The following AFF3 variants were observed in gnomAD, a reference collection of about 807,000 sequenced individuals.
AFF3 encodes the protein AF4/FMR2 family member 3.
AFF3 carries 32 observed loss-of-function variants against 129.7 expected under a neutral mutation model. The observed-to-expected ratio is 0.25, with a 90% CI of 0.19 to 0.33. The LOEUF is 0.33. AFF3 is among the 10% of genes least tolerant of loss of function. The pLI, the probability that AFF3 is intolerant of heterozygous loss-of-function variation, is 1.00. For synonymous variants in AFF3, 644 were observed against 635.4 expected (o/e 1.01, Z -0.20); for missense variants, 1,373 against 1,592.0 (o/e 0.86, Z 2.34).
At chr2:99,827,112 C>T (rs1688150346) in intron 8 of AFF3, among the ~76,000 whole-genome samples, 1 of 152,086 alleles carries the variant, frequency 6.6e-6, no homozygotes, top group Non-Finnish European at 1.5e-5. Context: ...TGCAGGTGTC[C>T]ATGACACATC....
intron 2 of AFF3, among the ~76,000 whole-genome samples, chr2:100,118,898 C>T (rs962020342): frequency 1.3e-5 from 2 of 151,926 alleles, no homozygotes; most frequent in Non-Finnish European, 2.9e-5. Flanking sequence ...CCTCTGCCTC[C>T]TAGGTTCAAG....
At chr2:99,773,511 C>T (rs1424295648) in intron 8 of AFF3, among the ~76,000 whole-genome samples, 1 of 141,102 alleles carries the variant, frequency 7.1e-6, no homozygotes, top group African/African-American at 2.7e-5. Flanking sequence ...TGTGCTACGT[C>T]AATTCCTGGG....
At chr2:99,633,140 C>T (rs755789147) in intron 13 of AFF3, among the ~76,000 whole-genome samples, 15 of 151,982 alleles carry the variant, frequency 9.9e-5, no homozygotes, top group South Asian at 2.1e-4. Context: ...GAGAGGCGGA[C>T]GGGTGACTAT....
intron 4 of AFF3, chr2:100,011,538 A>G: frequency 1.3e-6 from 1 of 781,046 alleles, no homozygotes; most frequent in Non-Finnish European, 2.4e-6. Flanking sequence ...CCACAACTAG[A>G]GAGTCATTCC....
intron 1 of AFF3, among the ~76,000 whole-genome samples, chr2:100,132,942 T>G (rs965517771): frequency 6.6e-6 from 1 of 151,782 alleles, no homozygotes; most frequent in African/African-American, 2.4e-5. Flanking sequence ...TTGTTTTTTT[T>G]TTTTAGATAC....
intron 8 of AFF3, among the ~76,000 whole-genome samples, chr2:99,783,256 C>G (rs796490223): frequency 6.6e-6 from 1 of 152,210 alleles, no homozygotes; most frequent in African/African-American, 2.4e-5. Flanking sequence ...CTTTAATATC[C>G]TCCTCCAAAC....
intron 11 of AFF3, among the ~76,000 whole-genome samples, chr2:99,684,343 G>A (rs1305218944): frequency 1.3e-5 from 2 of 152,136 alleles, no homozygotes; most frequent in African/African-American, 4.8e-5. Flanking sequence ...TTGTACCTGG[G>A]TATTACAGAG....
intron 7 of AFF3, among the ~76,000 whole-genome samples, chr2:99,856,349 C>T (rs1458021667): frequency 6.6e-6 from 1 of 152,052 alleles, no homozygotes; most frequent in African/African-American, 2.4e-5. Context: ...ACTAGGCATA[C>T]AAAGAACCGG....
intron 4 of AFF3, among the ~76,000 whole-genome samples, chr2:100,026,053 C>T (rs1684012410): frequency 6.6e-6 from 1 of 152,276 alleles, no homozygotes; most frequent in East Asian, 1.9e-4. Flanking sequence ...ACAGCTGGGA[C>T]TTAATTAAAC....
chr2:100,055,353 T>C (rs544607507), intron 4 of AFF3, among the ~76,000 whole-genome samples: 3 of 150,822 alleles, frequency 2.0e-5, no homozygotes, highest in African/African-American at 7.3e-5. Context: ...TTAACCCTCA[T>C]AGGAAACAGG....
intron 7 of AFF3, among the ~76,000 whole-genome samples, chr2:99,963,388 T>G (rs1396362579): frequency 6.6e-6 from 1 of 152,016 alleles, no homozygotes; most frequent in Non-Finnish European, 1.5e-5. Flanking sequence ...GAAGCAAAAA[T>G]TATTGCAGCA....
intron 19 of AFF3, among the ~76,000 whole-genome samples, chr2:99,568,003 T>C (rs1371724002): frequency 6.6e-6 from 1 of 152,220 alleles, no homozygotes; most frequent in Non-Finnish European, 1.5e-5. Context: ...TAGGGGTTAT[T>C]CCTCCTGTAC....
chr2:99,657,770 G>C lies in AFF3; in HGVS notation c.1144-8104C>G, dbSNP rs553292962. Among the ~76,000 whole-genome samples, 245 of 152,162 alleles carry C rather than the reference G, an allele frequency of 1.6e-3. 2 individuals carry two copies. Among genetic ancestry groups the C allele is most frequent in the African/African-American group, 5.7e-3 (237 of 41,498 alleles). Reference sequence around the variant, plus strand: ...TGATAGACAATAAAAAACATTTATTGAGCACCTAGTATATCCTGAGAAAAA... The same window carrying C: ...TGATAGACAATAAAAAACATTTATTCAGCACCTAGTATATCCTGAGAAAAA... On this transcript the variant is annotated intron_variant, in intron 12 of 24. Coordinates refer to ENST00000672756, the MANE Select transcript of AFF3 (RefSeq NM_001386135.1).
chr2:99,758,277 C>T (rs1433314606), intron 8 of AFF3, among the ~76,000 whole-genome samples: 6 of 152,148 alleles, frequency 3.9e-5, no homozygotes, highest in African/African-American at 1.2e-4. Flanking sequence ...AAAAACTTCA[C>T]TGCTCTAAAA....
At chr2:99,836,872 T>C (rs1156493755) in intron 8 of AFF3, among the ~76,000 whole-genome samples, 1 of 152,162 alleles carries the variant, frequency 6.6e-6, no homozygotes, top group African/African-American at 2.4e-5. Flanking sequence ...CCTGATTATA[T>C]GTCTGAATAT....
intron 11 of AFF3, among the ~76,000 whole-genome samples, chr2:99,703,698 T>C (rs1251614142): frequency 1.3e-5 from 2 of 152,120 alleles, no homozygotes; most frequent in African/African-American, 4.8e-5. Flanking sequence ...TTTTTCTTCT[T>C]TTTTCTTTTT....
Position 99,549,770 on chromosome 2 carries a change from G to C in AFF3, c.*1704C>G, listed in dbSNP as rs1457395867. 1.4e-5 allele frequency: 3 copies of C among 219,586 alleles called. No individual in the cohort carries two copies. Among genetic ancestry groups the C allele is most frequent in the Non-Finnish European group, 2.7e-5 (3 of 109,624 alleles). 13.6% of individuals were successfully genotyped at this position (219,586 alleles called of 1,614,324 possible). A position where few individuals can be genotyped will look rare whatever the true frequency, so the allele number is the denominator to read the frequency against. ...TTATACAATTTTGAATCAGTGCTCA[G>C]AGCTAAGGAATTATGATGATCTTAC... On this transcript the variant is annotated 3_prime_UTR_variant, in exon 25 of 25. Transcript: ENST00000672756.
chr2:100,117,453 G>A lies in AFF3; in HGVS notation c.-145+11771C>T, dbSNP rs7583182. 4.1e-3 allele frequency among the ~76,000 whole-genome samples: 617 copies of A among 152,260 alleles called. 3 individuals carry two copies. The highest frequency in any genetic ancestry group is 0.014 in the African/African-American group (592 of 41,566). ...CTGAGTTCTTAATTTGGGGTATCAC[G>A]ATTTTTTGATTCTAGAATTTCCACT... On this transcript the variant is annotated intron_variant, in intron 2 of 24. Transcript: ENST00000672756.
chr2:99,936,405 T>C (rs1474794179), intron 7 of AFF3, among the ~76,000 whole-genome samples: 1 of 151,134 alleles, frequency 6.6e-6, no homozygotes, highest in Non-Finnish European at 1.5e-5. Context: ...CACCCAGAAA[T>C]GAAAGGGACA....
Sources: allele counts gnomAD v4.1 joint callset (sites outside exome capture counted in the v4.1 genomes callset), GRCh38; gene constraint gnomAD v4.1.1; transcripts MANE v1.5; gene names NCBI Gene and HGNC (gene_info 2026-07-23, HGNC 2026-07-21).